Variants in APP observed in about 807,000 individuals in gnomAD.
APP encodes amyloid beta precursor protein.
APP carries 31 observed loss-of-function variants against 101.4 expected under a neutral mutation model. The ratio of observed to expected loss-of-function variants is 0.31; its 90% confidence interval spans 0.23 to 0.41. The LOEUF is 0.41. Ranked by LOEUF, APP falls within the 10% of genes least tolerant of loss-of-function variation. The pLI is 1.00. For synonymous variants in APP, 366 were observed against 364.4 expected, an observed-to-expected ratio of 1.00 and a Z score of -0.05; for missense variants, 839 against 1,003.7, an observed-to-expected ratio of 0.84 and a Z score of 2.22.
chr21:26,058,986 C>T (rs1331572056), intron 3 of APP, among the ~76,000 whole-genome samples: 10 of 151,624 alleles, frequency 6.6e-5, no homozygotes. Context: ...GAGGCTGAGG[C>T]AGGAGAATGG....
intron 1 of APP, among the ~76,000 whole-genome samples, chr21:26,141,473 T>C (rs1310195296): frequency 1.3e-5 from 2 of 152,174 alleles, no homozygotes; most frequent in African/African-American, 4.8e-5. Context: ...CAAAACTGGG[T>C]TCTGGATGAC....
In APP at chr21:25,881,419, TTACAG is replaced by T. The variant is rs1439565783; in HGVS notation, c.*246_*250del. 22 of 552,128 alleles carry T rather than the reference TTACAG, an allele frequency of 4.0e-5. No individual in the cohort carries two copies. Among genetic ancestry groups the T allele is most frequent in the African/African-American group, 9.5e-5 (5 of 52,838 alleles). The allele number at this position is 552,128 out of a possible 1,614,324, so 34.2% of individuals were successfully genotyped here. ...CACTAGTTTGATACAGCTAAATTCT[TTACAG>T]TACACAAAACCCATTAATAATGTAG... On this transcript the variant is annotated 3_prime_UTR_variant, in exon 18 of 18. Coordinates refer to ENST00000346798, the MANE Select transcript of APP (RefSeq NM_000484.4).
intron 6 of APP, among the ~76,000 whole-genome samples, chr21:26,004,529 T>G (rs2043437886): frequency 6.6e-6 from 1 of 152,132 alleles, no homozygotes; most frequent in South Asian, 2.1e-4. Flanking sequence ...CCTGACCTCA[T>G]GATCCGCCTG....
Position 26,011,995 on chromosome 21 carries a change from A to C in APP, c.865+9845T>G, listed in dbSNP as rs116065205. 4.0e-3 allele frequency among the ~76,000 whole-genome samples: 601 copies of C among 152,104 alleles called. 7 individuals carry two copies. Among genetic ancestry groups the C allele is most frequent in the African/African-American group, 0.014 (577 of 41,486 alleles). ...TCAACTAAATATAGCGTAACCTTTA[A>C]CATTTCCTCTGCCTTAATCTTTTTT... is the stretch of plus-strand genomic sequence containing the variant. On this transcript the variant is annotated intron_variant, in intron 6 of 17. Transcript: ENST00000346798.
chr21:26,128,457 C>T (rs753739564), intron 1 of APP, among the ~76,000 whole-genome samples: 1 of 152,132 alleles, frequency 6.6e-6, no homozygotes, highest in Non-Finnish European at 1.5e-5. Context: ...CTACACAGAA[C>T]TTCTCTTGTG....
intron 2 of APP, among the ~76,000 whole-genome samples, chr21:26,102,795 C>T: frequency 6.8e-6 from 1 of 146,318 alleles, no homozygotes; most frequent in African/African-American, 2.5e-5. Flanking sequence ...GAGGCTGAGG[C>T]ACGAGAATCA....
chr21:26,043,805 T>TG (rs2045481760), intron 5 of APP, among the ~76,000 whole-genome samples: 1 of 94 alleles, frequency 0.011, no homozygotes, highest in South Asian at 0.25. Context: ...TACCTTTGAG[T>TG]TCTGAGCACT....
intron 2 of APP, among the ~76,000 whole-genome samples, chr21:26,095,661 G>C (rs1223646809): frequency 1.3e-5 from 2 of 152,172 alleles, no homozygotes; most frequent in Non-Finnish European, 2.9e-5. Flanking sequence ...GTTATCCTCT[G>C]CAGATATAGG....
chr21:26,119,169 G>A (rs945877390), intron 1 of APP, among the ~76,000 whole-genome samples: 4 of 152,108 alleles, frequency 2.6e-5, no homozygotes, highest in Non-Finnish European at 4.4e-5. Flanking sequence ...CTTGCTTTTT[G>A]ACAGAACAAG....
At chr21:26,004,169 G>A (rs2043410807) in intron 6 of APP, among the ~76,000 whole-genome samples, 1 of 151,948 alleles carries the variant, frequency 6.6e-6, no homozygotes, top group African/African-American at 2.4e-5. Flanking sequence ...ACACGGAGAA[G>A]CAGCAGCATA....
At chr21:26,001,941 A>G (rs1215029733) in intron 6 of APP, among the ~76,000 whole-genome samples, 4 of 93,778 alleles carry the variant, frequency 4.3e-5, no homozygotes, top group African/African-American at 1.6e-4. Flanking sequence ...CTTTTAATAA[A>G]TCAGGGTGCC....
chr21:25,891,986 T>C lies in APP; in HGVS notation c.2065-118A>G. 3 of 1,088,890 alleles carry C rather than the reference T, an allele frequency of 2.8e-6. No homozygotes were observed. The South Asian group carries it at 4.3e-5, about 16-fold the overall frequency. 67.5% of individuals were successfully genotyped at this position (1,088,890 alleles called of 1,614,324 possible). ...TGCAGGGGACATTTGGATGAGGTTA[T>C]ATAAAAAGTTTCAGTATATTCTCTG... On this transcript the variant is annotated intron_variant, in intron 16 of 17. Transcript: ENST00000346798.
At chr21:26,036,602 C>T (rs2045121815) in intron 5 of APP, among the ~76,000 whole-genome samples, 1 of 152,124 alleles carries the variant, frequency 6.6e-6, no homozygotes, top group African/African-American at 2.4e-5. Context: ...GCGTCATGCA[C>T]TTTACAGTCG....
intron 10 of APP, 47 bp from the exon 11 acceptor site, chr21:25,975,275 G>A: frequency 2.5e-6 from 4 of 1,612,550 alleles, no homozygotes; most frequent in Non-Finnish European, 3.4e-6. Flanking sequence ...TAAGTAGGAT[G>A]AAGCAGCAAT....
chr21:26,089,896 A>G lies in APP; in HGVS notation c.355+47T>C, dbSNP rs748908230. On this transcript the variant is annotated intron_variant, in intron 3 of 17. Transcript: ENST00000346798. The stretch of plus-strand genomic sequence containing the variant: ...AGGAGCATCCTCTTTTTCTTCCCTC[A>G]AGACCAGGCCCCCAATCAACACCAG... 5.0e-6 allele frequency: 8 copies of G among 1,612,500 alleles called. No homozygotes were observed. The Admixed American group carries it at 1.3e-4, about 27-fold the overall frequency.
At chr21:25,982,070 A>C (rs1389273822) in intron 9 of APP, among the ~76,000 whole-genome samples, 1 of 152,212 alleles carries the variant, frequency 6.6e-6, no homozygotes, top group Non-Finnish European at 1.5e-5. Context: ...ACAGAATAAT[A>C]ATGCCAAGTA....
Position 26,112,165 on chromosome 21 carries a change from G to T in APP, c.58-19C>A. On this transcript the variant is annotated intron_variant, in intron 1 of 17. Coordinates refer to ENST00000346798, the MANE Select transcript of APP (RefSeq NM_000484.4). ...TGGGTACCTGAAAGAAGAAGCTTCA[G>T]TTAGTTATAGTATCCATAGCTCCAA... is the stretch of plus-strand genomic sequence containing the variant. The T allele has an allele frequency of 6.2e-7, 1 of 1,612,964 alleles. No homozygotes were observed. Among genetic ancestry groups the T allele is most frequent in the South Asian group, 1.1e-5 (1 of 91,038 alleles).
rs200917677 is a variant in APP at position 25,881,492 on chromosome 21, T to C, written c.*178A>G. On this transcript the variant is annotated 3_prime_UTR_variant, in exon 18 of 18. Transcript: ENST00000346798. ...AAAGAGAGATAGAATACATTACTGA[T>C]GTGTGGATTAATTCAAGTTCAGGCA... 2.3e-5 allele frequency: 16 copies of C among 699,222 alleles called. No homozygotes were observed. The highest frequency in any genetic ancestry group is 3.8e-5 in the Non-Finnish European group (15 of 393,390). 43.3% of individuals were successfully genotyped at this position (699,222 alleles called of 1,614,324 possible).
chr21:25,883,895 A>G (rs1352436370), intron 17 of APP, among the ~76,000 whole-genome samples: 1 of 151,906 alleles, frequency 6.6e-6, no homozygotes, highest in Admixed American at 6.6e-5. Context: ...TCCATCCATT[A>G]TGTGCCCATT....
Sources: allele counts gnomAD v4.1 joint callset (sites outside exome capture counted in the v4.1 genomes callset), GRCh38; gene constraint gnomAD v4.1.1; transcripts MANE v1.5; gene names NCBI Gene and HGNC (gene_info 2026-07-23, HGNC 2026-07-21).